MTHFD2L: variants seen among roughly 807,000 people sequenced by gnomAD.
The protein encoded by MTHFD2L is bifunctional methylenetetrahydrofolate dehydrogenase/cyclohydrolase 2, mitochondrial.
A neutral mutation model predicts 34.9 loss-of-function variants in MTHFD2L; 29 were observed. The ratio of observed to expected loss-of-function variants is 0.83; its 90% CI spans 0.62 to 1.13. The LOEUF (loss-of-function observed/expected upper bound fraction) is 1.13. MTHFD2L is among the 50% of genes most tolerant of loss of function. MTHFD2L has a pLI of 0.00. For synonymous variants in MTHFD2L, 167 were observed against 155.7 expected, an observed-to-expected ratio of 1.07 and a Z score of -0.54; for missense variants, 481 against 446.5, an observed-to-expected ratio of 1.08 and a Z score of -0.70.
At chr4:74,199,155 T>A (rs557632986) in intron 3 of MTHFD2L, among the ~76,000 whole-genome samples, 16 of 152,272 alleles carry the variant, frequency 1.1e-4, no homozygotes, top group African/African-American at 3.8e-4. Flanking sequence ...ATGAGATGAT[T>A]GGCATCCCAT....
intron 3 of MTHFD2L, chr4:74,181,895 GATATGTGTATTTGTCTAAAACTC>G (rs375601786): frequency 1.7e-4 from 26 of 152,206 alleles, no homozygotes; most frequent in African/African-American, 6.3e-4. Context: ...TAAGCATGGA[GATATGTGTATTTGTCTAAAACTC>G]ATTTCTTCAT....
At chr4:74,211,352 C>T (rs745683499) in intron 5 of MTHFD2L, among the ~76,000 whole-genome samples, 2 of 151,996 alleles carry the variant, frequency 1.3e-5, no homozygotes, top group African/African-American at 2.4e-5. Flanking sequence ...TTTTGAGATA[C>T]GTTCCATCAA....
intron 3 of MTHFD2L, among the ~76,000 whole-genome samples, chr4:74,185,771 C>T (rs762070683): frequency 2.0e-5 from 3 of 152,162 alleles, no homozygotes; most frequent in Non-Finnish European, 4.4e-5. Context: ...CTTTGTAGTT[C>T]AAATCCATTC....
intron 1 of MTHFD2L, among the ~76,000 whole-genome samples, chr4:74,137,896 C>T (rs1172459760): frequency 2.0e-5 from 3 of 151,216 alleles, no homozygotes; most frequent in Non-Finnish European, 1.5e-5. Flanking sequence ...TGTGTGGGAG[C>T]TAAAAAAAGT....
At chr4:74,197,202 G>C (rs1190616598) in intron 3 of MTHFD2L, among the ~76,000 whole-genome samples, 1 of 152,158 alleles carries the variant, frequency 6.6e-6, no homozygotes, top group Non-Finnish European at 1.5e-5. Context: ...AATGTATCCT[G>C]TGAATCAAAC....
At chr4:74,179,128 C>T (rs1729613503) in intron 3 of MTHFD2L, among the ~76,000 whole-genome samples, 1 of 151,934 alleles carries the variant, frequency 6.6e-6, no homozygotes, top group Admixed American at 6.6e-5. Context: ...GTGAATTGAC[C>T]AGTATTACCT....
At chr4:74,163,443 A>C (rs1725900886) in intron 1 of MTHFD2L, among the ~76,000 whole-genome samples, 1 of 152,248 alleles carries the variant, frequency 6.6e-6, no homozygotes, top group East Asian at 1.9e-4. Flanking sequence ...TAGTTTGAAA[A>C]CAATGGATAT....
rs577260557 is a variant in MTHFD2L, at chr4:74,172,440, T to C, written c.144-2066T>C. 2.0e-5 allele frequency among the ~76,000 whole-genome samples: 3 copies of C among 151,648 alleles called. No homozygotes were observed. In the South Asian group the frequency reaches 6.4e-4, roughly 32 times the overall value. ...TTTCATGTCTTGAAAGCTATTAAAA[T>C]TTTAATGAAGAGTAGACAAAATTAG... is the stretch of plus-strand genomic sequence containing the variant. On this transcript the variant is annotated intron_variant, in intron 1 of 7. Coordinates refer to ENST00000325278, the MANE Select transcript of MTHFD2L (RefSeq NM_001144978.3).
At chr4:74,267,665 G>A in intron 6 of MTHFD2L, 1 of 963,826 alleles carries the variant, frequency 1.0e-6, no homozygotes, top group Non-Finnish European at 1.2e-6. Flanking sequence ...GAACTCCTGG[G>A]CTCTGGCGAT....
rs181979784 is a variant in MTHFD2L at position 74,168,029 on chromosome 4, C to T, written c.144-6477C>T. On this transcript the variant is annotated intron_variant, in intron 1 of 7. Coordinates refer to ENST00000325278, the MANE Select transcript of MTHFD2L (RefSeq NM_001144978.3). ...ACCCCTTTGCCTAACTCCCCATGAT[C>T]CCTTGTTTGTTATACTACACTAGCT... Among the ~76,000 whole-genome samples the T allele has an allele frequency of 2.5e-3, 370 of 150,792 alleles. 2 individuals are homozygous for T. Among genetic ancestry groups the T allele is most frequent in the African/African-American group, 8.7e-3 (350 of 40,110 alleles).
chr4:74,130,282 A>G (rs887165295), intron 1 of MTHFD2L, among the ~76,000 whole-genome samples: 1 of 152,084 alleles, frequency 6.6e-6, no homozygotes, highest in Non-Finnish European at 1.5e-5. Context: ...AGACACAACA[A>G]AAAAAAGAAA....
chr4:74,203,574 G>A (rs1053389102), intron 5 of MTHFD2L, among the ~76,000 whole-genome samples: 1 of 152,180 alleles, frequency 6.6e-6, no homozygotes, highest in Admixed American at 6.5e-5. Context: ...TGTGGCAGAA[G>A]GCAAAGGTGG....
Position 74,118,157 on chromosome 4 carries a change from ATAAT to A in MTHFD2L, c.-144+3504_-144+3507del, listed in dbSNP as rs1280411782. 3.9e-5 allele frequency among the ~76,000 whole-genome samples: 6 copies of A among 152,220 alleles called. No homozygotes were observed. In the East Asian group the frequency reaches 7.7e-4, roughly 20 times the overall value. On this transcript the variant is annotated intron_variant and NMD_transcript_variant, in intron 2 of 9. Transcript: ENST00000429519. ...ATAACATTATTAAGTTAATGAACAA[ATAAT>A]TAAGCTTAGTAAAATATCAAAAGTT...
At chr4:74,176,048 A>T (rs1011384658) in intron 3 of MTHFD2L, among the ~76,000 whole-genome samples, 3 of 152,018 alleles carry the variant, frequency 2.0e-5, no homozygotes, top group African/African-American at 7.2e-5. Flanking sequence ...ATGTTGTGAA[A>T]TTTCTCTGAG....
intron 5 of MTHFD2L, among the ~76,000 whole-genome samples, chr4:74,222,129 G>A (rs1364754635): frequency 6.6e-6 from 1 of 151,922 alleles, no homozygotes; most frequent in Non-Finnish European, 1.5e-5. Flanking sequence ...ATATTAGGCA[G>A]TCAACAAACT....
intron 5 of MTHFD2L, among the ~76,000 whole-genome samples, chr4:74,213,833 T>TAAAAGTGATGTACC (rs1736742186): frequency 6.6e-6 from 1 of 152,240 alleles, no homozygotes; most frequent in Non-Finnish European, 1.5e-5. Context: ...CCTGTCACTT[T>TAAAAGTGATGTACC]TAGGTACACC....
Position 74,301,905 on chromosome 4 carries a change from A to C in MTHFD2L, c.*96A>C. On this transcript the variant is annotated 3_prime_UTR_variant, in exon 8 of 8. Coordinates refer to ENST00000325278, the MANE Select transcript of MTHFD2L (RefSeq NM_001144978.3). Reference sequence around the variant, plus strand: ...TTTTACTACAAAGCTATTTATTTCTACATGGTATTTATTTTTTCATGGGTG... The same window carrying C: ...TTTTACTACAAAGCTATTTATTTCTCCATGGTATTTATTTTTTCATGGGTG... The C allele has an allele frequency of 1.7e-6, 1 of 578,710 alleles. No homozygotes were observed. The highest frequency in any genetic ancestry group is 2.8e-6 in the Non-Finnish European group (1 of 354,748). The allele number at this position is 578,710 out of a possible 1,614,324, so 35.8% of individuals were successfully genotyped here.
intron 7 of MTHFD2L, among the ~76,000 whole-genome samples, chr4:74,284,706 G>A (rs13113876): frequency 6.6e-6 from 1 of 152,074 alleles, no homozygotes; most frequent in African/African-American, 2.4e-5. Context: ...AGGTGCTGGA[G>A]AGGATATGGA....
At chr4:74,184,023 G>GT (rs1730679906) in intron 3 of MTHFD2L, 1 of 151,994 alleles carries the variant, frequency 6.6e-6, no homozygotes, top group African/African-American at 2.4e-5. Flanking sequence ...CCTGTGATAA[G>GT]TTAAACATGT....
Sources: gnomAD v4.1 joint callset for allele counts (sites outside exome capture counted in the v4.1 genomes callset) on GRCh38, gnomAD v4.1.1 for gene constraint, MANE v1.5 for transcripts, NCBI Gene and HGNC (gene_info 2026-07-23, HGNC 2026-07-21) for gene names.